Variants in PLEKHG1 observed in about 807,000 individuals in gnomAD.
The protein encoded by PLEKHG1 is pleckstrin homology domain-containing family G member 1.
In PLEKHG1, 44 loss-of-function variants were observed where a neutral mutation model predicts 100.8. The observed-to-expected ratio is 0.44, with a 90% CI of 0.34 to 0.56. The LOEUF (loss-of-function observed/expected upper bound fraction) is 0.56. Among genes scored for constraint, PLEKHG1 ranks in the 20% least tolerant of loss-of-function variants. PLEKHG1 has a pLI of 0.01. For missense variants in PLEKHG1, 1,545 were observed against 1,720.9 expected, an observed-to-expected ratio of 0.90 and a Z score of 1.81; for synonymous variants, 640 against 662.5, an observed-to-expected ratio of 0.97 and a Z score of 0.52.
chr6:150,652,605 C>T (rs1028414749), intron 3 of PLEKHG1, among the ~76,000 whole-genome samples: 4 of 151,354 alleles, frequency 2.6e-5, no homozygotes, highest in Admixed American at 6.6e-5. Context: ...CTGTAATCCC[C>T]GCTACTTGGG....
At chr6:150,757,860 C>A (rs1469196945) in intron 2 of PLEKHG1, among the ~76,000 whole-genome samples, 2 of 152,146 alleles carry the variant, frequency 1.3e-5, no homozygotes, top group East Asian at 3.9e-4. Context: ...CTTCCCTCAC[C>A]CCCTCCCAAC....
chr6:150,703,056 G>T (rs1322942206), intron 3 of PLEKHG1, among the ~76,000 whole-genome samples: 2 of 152,132 alleles, frequency 1.3e-5, no homozygotes, highest in Admixed American at 1.3e-4. Context: ...CCCTTTATCT[G>T]CCTAGGCCTT....
At chr6:150,730,345 G>GGT (rs1782179366) in intron 1 of PLEKHG1, among the ~76,000 whole-genome samples, 1 of 127,406 alleles carries the variant, frequency 7.8e-6, no homozygotes, top group African/African-American at 2.8e-5. Flanking sequence ...GGGGTGTGGG[G>GGT]GTGGGGGAGT....
intron 6 of PLEKHG1, among the ~76,000 whole-genome samples, chr6:150,804,176 T>TATATATATATATATATATATATA (rs55868220): frequency 2.0e-3 from 49 of 24,736 alleles, no homozygotes; most frequent in Admixed American, 2.5e-3. Flanking sequence ...TATATATATA[T>TATATATATATATATATATATATA]TTTTTTTTTT....
At chr6:150,609,151 A>G (rs1169056205) in intron 1 of PLEKHG1, among the ~76,000 whole-genome samples, 1 of 152,260 alleles carries the variant, frequency 6.6e-6, no homozygotes, top group Non-Finnish European at 1.5e-5. Context: ...CCCAATGTTC[A>G]TTACACTTGG....
At chr6:150,678,560 G>T (rs1280434503) in intron 3 of PLEKHG1, among the ~76,000 whole-genome samples, 2 of 152,134 alleles carry the variant, frequency 1.3e-5, no homozygotes, top group Admixed American at 6.6e-5. Context: ...AATTAATTTT[G>T]TGCAGGCAGG....
chr6:150,720,737 A>T (rs1781630976), upstream of PLEKHG1, among the ~76,000 whole-genome samples: 1 of 152,206 alleles, frequency 6.6e-6, no homozygotes, highest in African/African-American at 2.4e-5. Flanking sequence ...GAACTTAAAA[A>T]TTTCAGAGCT....
intron 3 of PLEKHG1, among the ~76,000 whole-genome samples, chr6:150,693,760 A>G (rs988171947): frequency 6.6e-6 from 1 of 152,212 alleles, no homozygotes; most frequent in Non-Finnish European, 1.5e-5. Context: ...TTCATAAATC[A>G]TGCACCAATC....
At chr6:150,690,052 G>A (rs1780289899) in intron 3 of PLEKHG1, among the ~76,000 whole-genome samples, 1 of 152,136 alleles carries the variant, frequency 6.6e-6, no homozygotes, top group Non-Finnish European at 1.5e-5. Context: ...CATGTCAGAA[G>A]TGAACTCAGG....
chr6:150,699,705 A>G (rs948021979), intron 3 of PLEKHG1, among the ~76,000 whole-genome samples: 2 of 152,234 alleles, frequency 1.3e-5, no homozygotes, highest in African/African-American at 4.8e-5. Flanking sequence ...AAATTAAGCC[A>G]TTTTAAACAC....
At position 150,840,213 on chromosome 6, in the gene PLEKHG1, C is replaced by T; in HGVS notation, c.3475C>T (p.Gln1159Ter). 9 of 1,614,224 alleles carry T rather than the reference C, an allele frequency of 5.6e-6. No individual in the cohort carries two copies. The highest frequency in any genetic ancestry group is 7.6e-6 in the Non-Finnish European group (9 of 1,180,038). The change falls in exon 16 of 16, where the codon CAG (glutamine) becomes TAG (stop). Residue 1159 changes from glutamine (Q) to a stop codon, truncating the protein, a stop_gained. Transcript: ENST00000358517. LOFTEE classifies it low-confidence loss of function (END_TRUNC). The stretch of plus-strand genomic sequence containing the variant: ...TCAGCCCAACAAAGAGAACTGGTGT[C>T]AGGACCATCTTTACAACTCCTTGGG...
At position 150,678,063 on chromosome 6, in the gene PLEKHG1, CATATATATATATATAT is replaced by C. The variant is rs201616866; in HGVS notation, c.-99+27302_-99+27317del. Among the ~76,000 whole-genome samples the C allele has an allele frequency of 1.5e-3, 91 of 60,120 alleles. 1 individual carries two copies. The highest frequency in any genetic ancestry group is 3.9e-3 in the African/African-American group (66 of 16,806). The allele number at this position is 60,120 out of a possible 152,430, so 39.4% of individuals were successfully genotyped here. Reference sequence around the variant, plus strand: ...TGGGATACAATGTGATGTTTTGATGCATATATATATATATATATATATATATATATATATATATATG... The same window carrying C: ...TGGGATACAATGTGATGTTTTGATGCATATATATATATATATATATATATG... On this transcript the variant is annotated intron_variant, in intron 3 of 3. Transcript: ENST00000367326.
rs376764691 is a variant in PLEKHG1, at chr6:150,715,901, G to C, written c.-98-17683G>C. ...AGGCGGGCGGATCACGAGGTCAGGA[G>C]ATCGAGACCATCCTGGCTAACACGG... is the stretch of plus-strand genomic sequence containing the variant. On this transcript the variant is annotated intron_variant, in intron 3 of 3. Transcript: ENST00000367326. Among the ~76,000 whole-genome samples the C allele has an allele frequency of 1.4e-3, 208 of 147,942 alleles. 8 individuals are homozygous for C. The South Asian group carries it at 0.04, about 28-fold the overall frequency.
intron 2 of PLEKHG1, among the ~76,000 whole-genome samples, chr6:150,740,692 A>G (rs1782810938): frequency 6.6e-6 from 1 of 152,242 alleles, no homozygotes. Flanking sequence ...GGTACTTGGC[A>G]TCATTTAATG....
At chr6:150,791,425 G>A (rs1785974719) in intron 4 of PLEKHG1, among the ~76,000 whole-genome samples, 1 of 152,136 alleles carries the variant, frequency 6.6e-6, no homozygotes. Context: ...ACTTTGGGAG[G>A]CCAAGGTGGG....
At chr6:150,609,681 C>G (rs1776743297) in intron 1 of PLEKHG1, among the ~76,000 whole-genome samples, 1 of 152,252 alleles carries the variant, frequency 6.6e-6, no homozygotes, top group African/African-American at 2.4e-5. Context: ...ACAATTACCA[C>G]TCTGCCTGCT....
chr6:150,685,291 C>G (rs1780079537), intron 3 of PLEKHG1, among the ~76,000 whole-genome samples: 1 of 152,124 alleles, frequency 6.6e-6, no homozygotes, highest in African/African-American at 2.4e-5. Context: ...CTGGGTGTGA[C>G]AGGAACAGAG....
intron 14 of PLEKHG1, among the ~76,000 whole-genome samples, chr6:150,826,244 G>A (rs1289308920): frequency 1.3e-5 from 2 of 152,116 alleles, no homozygotes; most frequent in African/African-American, 4.8e-5. Context: ...GATTGCCTAA[G>A]CTTGGGAGTT....
intron 10 of PLEKHG1, among the ~76,000 whole-genome samples, chr6:150,815,151 C>CA (rs1156450008): frequency 6.6e-6 from 1 of 152,162 alleles, no homozygotes; most frequent in Non-Finnish European, 1.5e-5. Flanking sequence ...CTAAAGTTTT[C>CA]AAAATGTATT....
Sources: allele counts gnomAD v4.1 joint callset (sites outside exome capture counted in the v4.1 genomes callset), GRCh38; gene constraint gnomAD v4.1.1; transcripts MANE v1.5; gene names NCBI Gene and HGNC (gene_info 2026-07-23, HGNC 2026-07-21).